ZRANB3: variants seen among roughly 807,000 people sequenced by gnomAD.
ZRANB3 encodes the protein zinc finger RANBP2-type containing 3, also known as DNA annealing helicase and endonuclease ZRANB3.
In ZRANB3, 125 loss-of-function variants were observed where a neutral mutation model predicts 133.8. The ratio of observed to expected loss-of-function variants is 0.93; its 90% CI spans 0.81 to 1.08. The LOEUF (loss-of-function observed/expected upper bound fraction) is 1.08. ZRANB3 is among the 50% of genes least tolerant of loss of function. ZRANB3 has a pLI of 0.00. For missense variants in ZRANB3, 1,229 were observed against 1,275.5 expected (o/e 0.96, Z 0.56); for synonymous variants, 387 against 432.7 (o/e 0.89, Z 1.31).
At chr2:135,329,846 C>A (rs1684045253) in intron 6 of ZRANB3, among the ~76,000 whole-genome samples, 1 of 151,646 alleles carries the variant, frequency 6.6e-6, no homozygotes, top group African/African-American at 2.4e-5. Context: ...CATGATTTGG[C>A]TCTCTGTTTG....
At chr2:135,296,892 G>T (rs1185948107) in intron 8 of ZRANB3, among the ~76,000 whole-genome samples, 1 of 152,178 alleles carries the variant, frequency 6.6e-6, no homozygotes, top group Admixed American at 6.5e-5. Context: ...CAGAACAACA[G>T]ATATTGGTGA....
Position 135,207,755 on chromosome 2 carries a change from T to C in ZRANB3, c.2688A>G (p.Thr896=), listed in dbSNP as rs1315695529. 4.3e-6 allele frequency: 7 copies of C among 1,614,012 alleles called. No individual in the cohort carries two copies. The highest frequency in any genetic ancestry group is 5.9e-6 in the Non-Finnish European group (7 of 1,179,864). The change falls in exon 19 of 21, where the codon ACA becomes ACG. Residue 896 remains threonine (T), a synonymous_variant. Transcript: ENST00000264159. The part of the protein sequence containing the change: ...VQADLTVKPS[T]SKGYLQAVDN... ...CCACAGCTTGCAAATAGCCTTTGGA[T>C]GTAGAGGGCTTCACAGTGAGATCTG...
intron 1 of ZRANB3, among the ~76,000 whole-genome samples, chr2:135,518,411 T>G (rs1201859661): frequency 2.6e-5 from 4 of 152,176 alleles, no homozygotes; most frequent in Non-Finnish European, 5.9e-5. Flanking sequence ...AATCTCCTGG[T>G]CTGTGGGTTA....
chr2:135,293,835 C>G (rs1180261603), intron 8 of ZRANB3, among the ~76,000 whole-genome samples: 1 of 150,566 alleles, frequency 6.6e-6, no homozygotes, highest in Non-Finnish European at 1.5e-5. Flanking sequence ...AAGGCCTTTT[C>G]TGCATCTATT....
At chr2:135,309,283 A>G (rs1682857618) in intron 8 of ZRANB3, among the ~76,000 whole-genome samples, 1 of 152,096 alleles carries the variant, frequency 6.6e-6, no homozygotes, top group Admixed American at 6.6e-5. Context: ...ACCCAGCCGC[A>G]ATAACATCAT....
intron 12 of ZRANB3, among the ~76,000 whole-genome samples, chr2:135,231,352 G>C (rs1695004631): frequency 6.6e-6 from 1 of 152,138 alleles, no homozygotes; most frequent in Admixed American, 6.5e-5. Context: ...AGGCAACTGT[G>C]TATTCAAATA....
chr2:135,453,406 G>T, intron 2 of ZRANB3, among the ~76,000 whole-genome samples: 1 of 152,190 alleles, frequency 6.6e-6, no homozygotes, highest in East Asian at 1.9e-4. Context: ...TTCTCCTCAA[G>T]AAATAGATTT....
intron 2 of ZRANB3, among the ~76,000 whole-genome samples, chr2:135,419,862 G>A (rs1295404118): frequency 6.6e-6 from 1 of 151,644 alleles, no homozygotes; most frequent in East Asian, 1.9e-4. Context: ...GGTAGTTGTT[G>A]TTATCAGGCA....
chr2:135,323,281 G>A (rs1488618656), intron 6 of ZRANB3, among the ~76,000 whole-genome samples: 1 of 152,164 alleles, frequency 6.6e-6, no homozygotes, highest in Non-Finnish European at 1.5e-5. Context: ...AAATAATAGT[G>A]CCTTGCAAAT....
chr2:135,383,423 A>T (rs942014578), intron 3 of ZRANB3, among the ~76,000 whole-genome samples: 10 of 152,230 alleles, frequency 6.6e-5, no homozygotes, highest in Non-Finnish European at 1.5e-4. Context: ...CACTGTCAAC[A>T]TTAGACAGAT....
chr2:135,214,286 C>T (rs978011410), intron 17 of ZRANB3, among the ~76,000 whole-genome samples: 63 of 152,126 alleles, frequency 4.1e-4, no homozygotes, highest in Admixed American at 3.7e-3. Flanking sequence ...TTGAGTCTTG[C>T]CCTTTTTGAT....
intron 2 of ZRANB3, among the ~76,000 whole-genome samples, chr2:135,413,631 A>G (rs1378096420): frequency 1.3e-5 from 2 of 152,170 alleles, no homozygotes; most frequent in African/African-American, 4.8e-5. Context: ...GATCTAGGGT[A>G]TTTATAATTA....
At chr2:135,418,880 T>C (rs562116870) in intron 2 of ZRANB3, among the ~76,000 whole-genome samples, 1 of 150,292 alleles carries the variant, frequency 6.7e-6, no homozygotes, top group African/African-American at 2.4e-5. Flanking sequence ...TTCCTAACTA[T>C]ATATACCTGT....
At chr2:135,229,733 A>G (rs538276839) in intron 13 of ZRANB3, among the ~76,000 whole-genome samples, 1 of 152,328 alleles carries the variant, frequency 6.6e-6, no homozygotes, top group African/African-American at 2.4e-5. Context: ...AACTGATAAA[A>G]TACAATGTGT....
chr2:135,224,529 G>A lies in ZRANB3; in HGVS notation c.2159-12C>T, dbSNP rs766720801. ...ACTCTTCCACTGTTCTATTAAAGAAGACAAAAGAGAACCTGAAGGCTTATC... is the reference window on the plus strand; with the variant it reads ...ACTCTTCCACTGTTCTATTAAAGAAAACAAAAGAGAACCTGAAGGCTTATC... On this transcript the variant is annotated splice_polypyrimidine_tract_variant and intron_variant, in intron 14 of 20. Coordinates refer to ENST00000264159, the MANE Select transcript of ZRANB3 (RefSeq NM_032143.4). 3.7e-6 allele frequency: 6 copies of A among 1,601,622 alleles called. No homozygotes were observed. The highest frequency in any genetic ancestry group is 5.1e-6 in the Non-Finnish European group (6 of 1,171,432).
chr2:135,302,819 C>A (rs541917585), intron 8 of ZRANB3, among the ~76,000 whole-genome samples: 2 of 152,114 alleles, frequency 1.3e-5, no homozygotes, highest in Non-Finnish European at 2.9e-5. Context: ...CCACTGCGCC[C>A]GGCCCCAACT....
At chr2:135,420,091 TTATATATATATATATATA>T (rs201217358) in intron 2 of ZRANB3, among the ~76,000 whole-genome samples, 14 of 72,472 alleles carry the variant, frequency 1.9e-4, no homozygotes, top group Non-Finnish European at 2.4e-4. Flanking sequence ...TATCTTAGAT[TTATATATATATATATATA>T]TATATATATA....
intron 3 of ZRANB3, among the ~76,000 whole-genome samples, chr2:135,377,243 A>C (rs1195122265): frequency 6.6e-6 from 1 of 152,156 alleles, no homozygotes; most frequent in Non-Finnish European, 1.5e-5. Flanking sequence ...CCTGGCCTTC[A>C]CACCCTGCTA....
intron 17 of ZRANB3, 104 bp from the exon 18 acceptor site, chr2:135,209,082 C>CTTTT: frequency 9.2e-7 from 1 of 1,087,846 alleles, no homozygotes; most frequent in Non-Finnish European, 1.3e-6. Context: ...AAAAAGCAAG[C>CTTTT]ACAATTCTAT....
Sources: gnomAD v4.1 joint callset for allele counts (sites outside exome capture counted in the v4.1 genomes callset) on GRCh38, gnomAD v4.1.1 for gene constraint, MANE v1.5 for transcripts, NCBI Gene and HGNC (gene_info 2026-07-23, HGNC 2026-07-21) for gene names.